SERINC5: variants seen among roughly 807,000 people sequenced by gnomAD.
SERINC5 encodes chromosome 5 open reading frame 12.
Under a neutral mutation model 63.1 loss-of-function variants are expected in SERINC5, and 41 were observed. That is an observed-to-expected ratio of 0.65 (90% confidence interval 0.51 to 0.84). The LOEUF (loss-of-function observed/expected upper bound fraction) is 0.84. Among genes scored for constraint, SERINC5 ranks in the 40% least tolerant of loss-of-function variants. The pLI is 0.00. For missense variants in SERINC5, 523 were observed against 573.0 expected (o/e 0.91, Z 0.89); for synonymous variants, 222 against 215.2 (o/e 1.03, Z -0.28).
At chr5:80,176,049 C>T (rs902552987) in intron 4 of SERINC5, among the ~76,000 whole-genome samples, 1 of 150,924 alleles carries the variant, frequency 6.6e-6, no homozygotes, top group African/African-American at 2.4e-5. Flanking sequence ...CGTGGTGGTG[C>T]GTGCCTATAG....
At chr5:80,213,024 C>T (rs1750505755) in intron 1 of SERINC5, among the ~76,000 whole-genome samples, 1 of 152,074 alleles carries the variant, frequency 6.6e-6, no homozygotes, top group Non-Finnish European at 1.5e-5. Flanking sequence ...GCAGGTAGAC[C>T]ACTCAAGGTC....
intron 1 of SERINC5, 91 bp downstream of exon 1, chr5:80,255,805 T>G: frequency 2.2e-6 from 3 of 1,373,988 alleles, no homozygotes; most frequent in Non-Finnish European, 3.0e-6. Flanking sequence ...GCCGCGGAGC[T>G]GGGAGCGCAC....
chr5:80,141,761 G>T lies in SERINC5; in HGVS notation c.*1902C>A. ...GGCTTTTCATTTTGCGACTCCAGAT[G>T]AATCTTTTAACTGCTGAGTACAGAG... On this transcript the variant is annotated 3_prime_UTR_variant, in exon 12 of 12. Transcript: ENST00000507668. 1 of 985,324 alleles carries T rather than the reference G, an allele frequency of 1.0e-6. No homozygotes were observed. The allele number at this position is 985,324 out of a possible 1,614,324, so 61.0% of individuals were successfully genotyped here.
At chr5:80,126,280 G>T (rs1458850103) in intron 11 of SERINC5, among the ~76,000 whole-genome samples, 1 of 152,160 alleles carries the variant, frequency 6.6e-6, no homozygotes, top group Non-Finnish European at 1.5e-5. Flanking sequence ...AGCAAACGAA[G>T]AGTCAATTAA....
intron 1 of SERINC5, chr5:80,203,348 T>C (rs6893507): frequency 0.63 from 95,824 of 151,622 alleles, 30,670 homozygotes; most frequent in African/African-American, 0.71. Context: ...CATACACACA[T>C]GCACATATAC....
chr5:80,139,808 G>GT lies in SERINC5; in HGVS notation c.*3854dup. The GT allele has an allele frequency of 2.0e-6, 2 of 985,436 alleles. No individual in the cohort carries two copies. Among genetic ancestry groups the GT allele is most frequent in the Non-Finnish European group, 2.4e-6 (2 of 829,960 alleles). The allele number at this position is 985,436 out of a possible 1,614,324, so 61.0% of individuals were successfully genotyped here. ...AGGGCCCAGTGTTCTTTCTGGGTGT[G>GT]TAAGGTCTTACTTAGTTCAAGGTTT... On this transcript the variant is annotated 3_prime_UTR_variant, in exon 12 of 12. Transcript: ENST00000507668.
At chr5:80,219,733 T>C (rs1750816656) in intron 1 of SERINC5, among the ~76,000 whole-genome samples, 1 of 152,188 alleles carries the variant, frequency 6.6e-6, no homozygotes, top group African/African-American at 2.4e-5. Context: ...AACTCCTGTT[T>C]ATGTTCTTAA....
intron 1 of SERINC5, among the ~76,000 whole-genome samples, chr5:80,254,183 C>T (rs985939407): frequency 6.6e-6 from 1 of 152,158 alleles, no homozygotes; most frequent in Non-Finnish European, 1.5e-5. Flanking sequence ...CTCTGCCTCC[C>T]AAAGTGCTGG....
chr5:80,132,096 C>A (rs1250774393), intron 11 of SERINC5, among the ~76,000 whole-genome samples: 1 of 152,192 alleles, frequency 6.6e-6, no homozygotes, highest in Admixed American at 6.5e-5. Context: ...CACCAGATAA[C>A]AGAGATGAGC....
chr5:80,146,763 T>C (rs571731910), intron 10 of SERINC5, among the ~76,000 whole-genome samples: 68 of 152,318 alleles, frequency 4.5e-4, no homozygotes, highest in African/African-American at 1.6e-3. Context: ...CCCTGCCACA[T>C]TTATTTTAAC....
intron 5 of SERINC5, among the ~76,000 whole-genome samples, chr5:80,172,720 A>G (rs1207894965): frequency 6.6e-6 from 1 of 152,236 alleles, no homozygotes; most frequent in African/African-American, 2.4e-5. Context: ...AAAAATATCT[A>G]AGAGCAAATA....
At chr5:80,228,502 C>T (rs1209244257) in intron 1 of SERINC5, among the ~76,000 whole-genome samples, 3 of 152,042 alleles carry the variant, frequency 2.0e-5, no homozygotes, top group Non-Finnish European at 2.9e-5. Flanking sequence ...GTTGCCCACA[C>T]TGGAGCGCAG....
At chr5:80,251,055 T>C (rs1164755510) in intron 1 of SERINC5, among the ~76,000 whole-genome samples, 1 of 152,190 alleles carries the variant, frequency 6.6e-6, no homozygotes, top group Admixed American at 6.6e-5. Flanking sequence ...TTAATTAACA[T>C]AACGGACATC....
intron 11 of SERINC5, among the ~76,000 whole-genome samples, chr5:80,121,772 G>A (rs972148514): frequency 2.0e-5 from 3 of 152,216 alleles, no homozygotes; most frequent in Non-Finnish European, 4.4e-5. Context: ...AGAAGCAGGT[G>A]TGTCACATGG....
rs144819456 is a variant in SERINC5 at position 80,185,008 on chromosome 5, C to T, written c.196-6944G>A. Among the ~76,000 whole-genome samples, 20 of 152,232 alleles carry T rather than the reference C, an allele frequency of 1.3e-4. No individual in the cohort carries two copies. The East Asian group carries it at 3.7e-3, about 28-fold the overall frequency. On this transcript the variant is annotated intron_variant, in intron 2 of 11. Coordinates refer to ENST00000507668, the MANE Select transcript of SERINC5 (RefSeq NM_001174072.3). Reference sequence around the variant, plus strand: ...TCTCCTGTCTCAGCCTCCCAAGTAGCTGGGATTACAGGCATACACCACTAT... The same window carrying T: ...TCTCCTGTCTCAGCCTCCCAAGTAGTTGGGATTACAGGCATACACCACTAT...
At chr5:80,135,767 T>C (rs1745144656), downstream of SERINC5, among the ~76,000 whole-genome samples, 1 of 151,394 alleles carries the variant, frequency 6.6e-6, no homozygotes, top group South Asian at 2.1e-4. Flanking sequence ...GATAGAAGCA[T>C]AGTTTTTGGA....
intron 1 of SERINC5, among the ~76,000 whole-genome samples, chr5:80,224,487 A>G (rs901224991): frequency 5.3e-5 from 8 of 152,188 alleles, no homozygotes; most frequent in Non-Finnish European, 1.2e-4. Flanking sequence ...AAAAGAAAAA[A>G]AAACAGTCAT....
intron 8 of SERINC5, among the ~76,000 whole-genome samples, chr5:80,152,575 A>G (rs904088317): frequency 3.3e-5 from 5 of 152,184 alleles, no homozygotes; most frequent in Non-Finnish European, 5.9e-5. Context: ...AGGGGAAAAG[A>G]TAAGTTTTTA....
At chr5:80,188,080 C>T (rs1250020980) in intron 2 of SERINC5, among the ~76,000 whole-genome samples, 5 of 151,876 alleles carry the variant, frequency 3.3e-5, no homozygotes, top group Admixed American at 6.6e-5. Flanking sequence ...GTCAGGAGTT[C>T]GAGACCAGCC....
Sources: gnomAD v4.1 joint callset for allele counts (sites outside exome capture counted in the v4.1 genomes callset) on GRCh38, gnomAD v4.1.1 for gene constraint, MANE v1.5 for transcripts, NCBI Gene and HGNC (gene_info 2026-07-23, HGNC 2026-07-21) for gene names.